Variants in EFHB observed in about 807,000 individuals in gnomAD.
EFHB encodes the protein EF-hand domain-containing family member B.
EFHB carries 91 observed loss-of-function variants against 87.2 expected under a neutral mutation model. The observed-to-expected ratio is 1.04, with a 90% confidence interval of 0.88 to 1.24. EFHB has a LOEUF of 1.24. Among genes scored for constraint, EFHB ranks in the 50% most tolerant of loss-of-function variants. The pLI is 0.00. For synonymous variants in EFHB, 325 were observed against 333.6 expected, an observed-to-expected ratio of 0.97 and a Z score of 0.28; for missense variants, 1,084 against 998.8, an observed-to-expected ratio of 1.09 and a Z score of -1.15.
intron 9 of EFHB, among the ~76,000 whole-genome samples, chr3:19,892,977 A>C (rs536699629): frequency 1.1e-4 from 16 of 147,114 alleles, no homozygotes; most frequent in African/African-American, 1.5e-4. Flanking sequence ...TTTTAGATGG[A>C]GTCTCGCTTT....
chr3:19,920,086 G>T, intron 2 of EFHB, 110 bp from the exon 3 acceptor site: 2 of 1,155,670 alleles, frequency 1.7e-6, no homozygotes, highest in South Asian at 1.7e-5. Flanking sequence ...TGTAGTAAAT[G>T]CATTTGGAAC....
upstream of EFHB, among the ~76,000 whole-genome samples, chr3:19,938,238 G>T (rs955377000): frequency 6.6e-6 from 1 of 152,184 alleles, no homozygotes; most frequent in African/African-American, 2.4e-5. Context: ...TTACGGTAGT[G>T]TTCCGTATCT....
chr3:19,916,704 ATT>A (rs1197485865), intron 4 of EFHB, among the ~76,000 whole-genome samples: 6 of 152,084 alleles, frequency 3.9e-5, no homozygotes, highest in African/African-American at 1.4e-4. Flanking sequence ...ACAGTGAATA[ATT>A]TTGTTTTTAC....
intron 1 of EFHB, among the ~76,000 whole-genome samples, chr3:19,921,329 C>G (rs1318479221): frequency 6.6e-6 from 1 of 151,924 alleles, no homozygotes. Context: ...GACTGTCTTG[C>G]TGACATCTCT....
intron 4 of EFHB, 95 bp downstream of exon 4, chr3:19,918,137 T>A: frequency 1.6e-6 from 2 of 1,253,414 alleles, no homozygotes; most frequent in Non-Finnish European, 2.2e-6. Flanking sequence ...GTTTACACCA[T>A]CACCAAACAT....
chr3:19,893,720 C>A (rs1004116852), intron 9 of EFHB, among the ~76,000 whole-genome samples: 2 of 152,176 alleles, frequency 1.3e-5, no homozygotes, highest in African/African-American at 2.4e-5. Context: ...AGTTACTGCA[C>A]CTCCACATTG....
chr3:19,908,262 G>A (rs1037402621), intron 5 of EFHB, among the ~76,000 whole-genome samples: 1 of 152,170 alleles, frequency 6.6e-6, no homozygotes, highest in Non-Finnish European at 1.5e-5. Context: ...GCTGGGCGCA[G>A]TGGCTCACGC....
chr3:19,884,539 T>C lies in EFHB; in HGVS notation c.2010A>G (p.Glu670=), dbSNP rs2125124179. The change falls in exon 11 of 13, where the codon GAA becomes GAG. Residue 670 remains glutamate, a synonymous_variant. Coordinates refer to ENST00000295824, the MANE Select transcript of EFHB (RefSeq NM_144715.4). ...TTCCTGCTTCTTTTAAGACAATATC[T>C]TCTGGCTTTATGAGGAGAGTTTGTT... ...EPEQTLLIKP[E]DIVLKEAGST... 6.2e-7 allele frequency: 1 copy of C among 1,614,004 alleles called. No individual in the cohort carries two copies. The highest frequency in any genetic ancestry group is 1.3e-5 in the African/African-American group (1 of 75,042).
At chr3:19,905,254 TA>T (rs1338894282) in intron 6 of EFHB, among the ~76,000 whole-genome samples, 3 of 152,146 alleles carry the variant, frequency 2.0e-5, no homozygotes. Flanking sequence ...GCTGTCTCAA[TA>T]AATAAATAAA....
chr3:19,946,595 G>C (rs897998010), intron 1 of EFHB, among the ~76,000 whole-genome samples: 14 of 152,162 alleles, frequency 9.2e-5, no homozygotes, highest in Admixed American at 7.2e-4. Flanking sequence ...GATAGGGAGG[G>C]TCCTTTCTTC....
intron 4 of EFHB, 23 bp downstream of exon 4, chr3:19,918,208 AC>A: frequency 6.5e-7 from 1 of 1,530,314 alleles, no homozygotes; most frequent in Admixed American, 2.2e-5. Context: ...GCCCCTTCCC[AC>A]CCCTTATTTT....
intron 4 of EFHB, among the ~76,000 whole-genome samples, 189 bp from the exon 5 acceptor site, chr3:19,915,602 C>CT (rs1348545118): frequency 6.6e-6 from 1 of 152,112 alleles, no homozygotes; most frequent in African/African-American, 2.4e-5. Flanking sequence ...GGCTCATCCC[C>CT]TATAAGTCAG....
intron 1 of EFHB, among the ~76,000 whole-genome samples, chr3:19,946,566 G>A (rs991815759): frequency 6.6e-6 from 1 of 152,168 alleles, no homozygotes; most frequent in African/African-American, 2.4e-5. Context: ...ATTGTCAGGC[G>A]CCTAAAGGCG....
intron 1 of EFHB, among the ~76,000 whole-genome samples, chr3:19,930,189 C>T (rs2125164275): frequency 6.6e-6 from 1 of 152,160 alleles, no homozygotes; most frequent in Admixed American, 6.5e-5. Context: ...CATTTTCATC[C>T]CTGTTTTCTA....
At chr3:19,926,662 C>CTTTTTTG (rs1553634738) in intron 1 of EFHB, among the ~76,000 whole-genome samples, 1,891 of 149,800 alleles carry the variant, frequency 0.013, 34 homozygotes, top group African/African-American at 0.041. Context: ...GCCCAGCCTG[C>CTTTTTTG]TTTTTTATTT....
intron 6 of EFHB, among the ~76,000 whole-genome samples, chr3:19,899,891 G>T (rs755718666): frequency 1.3e-5 from 2 of 151,808 alleles, no homozygotes; most frequent in African/African-American, 2.4e-5. Context: ...TGGGCAACAT[G>T]GCAAAACCCT....
intron 5 of EFHB, among the ~76,000 whole-genome samples, chr3:19,911,686 GAAGA>G (rs1409558412): frequency 2.6e-5 from 4 of 152,080 alleles, no homozygotes; most frequent in African/African-American, 9.7e-5. Context: ...TGATCAAGCA[GAAGA>G]AAGAGTTAAT....
chr3:19,930,925 G>C (rs1480889521), intron 1 of EFHB, among the ~76,000 whole-genome samples: 1 of 152,148 alleles, frequency 6.6e-6, no homozygotes, highest in Non-Finnish European at 1.5e-5. Context: ...TTGAGGTCAG[G>C]AGTAGGGGAC....
chr3:19,892,059 T>TG (rs1694323886), intron 9 of EFHB, among the ~76,000 whole-genome samples: 1 of 152,148 alleles, frequency 6.6e-6, no homozygotes. Context: ...TATTGACACT[T>TG]ATTCAAGTTA....
Sources: allele counts gnomAD v4.1 joint callset (sites outside exome capture counted in the v4.1 genomes callset), GRCh38; gene constraint gnomAD v4.1.1; transcripts MANE v1.5; gene names NCBI Gene and HGNC (gene_info 2026-07-23, HGNC 2026-07-21).